ABR: variants seen among roughly 807,000 people sequenced by gnomAD.
The protein encoded by ABR is active breakpoint cluster region-related protein.
A neutral mutation model predicts 107.2 loss-of-function variants in ABR; 35 were observed. That is an observed-to-expected ratio of 0.33 (90% CI 0.25 to 0.43). The LOEUF is 0.43. Ranked by LOEUF, ABR falls within the 20% of genes least tolerant of loss-of-function variation. ABR has a pLI of 1.00. For synonymous variants in ABR, 498 were observed against 462.0 expected (o/e 1.08, Z -1.00); for missense variants, 815 against 1,115.2 (o/e 0.73, Z 3.83).
intron 1 of ABR, among the ~76,000 whole-genome samples, chr17:1,204,580 G>A (rs772432723): frequency 2.0e-5 from 3 of 152,142 alleles, no homozygotes; most frequent in Non-Finnish European, 2.9e-5. Flanking sequence ...CCTTTTGTAC[G>A]CTTAGACGTG....
chr17:1,033,714 G>C (rs2072972984), intron 16 of ABR, among the ~76,000 whole-genome samples: 1 of 152,144 alleles, frequency 6.6e-6, no homozygotes, highest in Non-Finnish European at 1.5e-5. Flanking sequence ...CCTCAAACCT[G>C]AGCTGCTAAG....
chr17:1,023,679 T>C (rs2071912272), intron 16 of ABR, among the ~76,000 whole-genome samples: 1 of 152,202 alleles, frequency 6.6e-6, no homozygotes, highest in Non-Finnish European at 1.5e-5. Flanking sequence ...GCCAAGGACC[T>C]GTCAGACCTC....
Position 1,050,761 on chromosome 17 carries a change from C to A in ABR, c.1562-127G>T. 1 of 755,760 alleles carries A rather than the reference C, an allele frequency of 1.3e-6. No individual in the cohort carries two copies. 46.8% of individuals were successfully genotyped at this position (755,760 alleles called of 1,614,324 possible). A position where few individuals can be genotyped will look rare whatever the true frequency, so the allele number is the denominator to read the frequency against. On this transcript the variant is annotated intron_variant, in intron 14 of 22. Coordinates refer to ENST00000302538, the MANE Select transcript of ABR (RefSeq NM_021962.5). This position sits in a 1 kb window ranked among gnomAD's most constrained non-coding sequence, Gnocchi z 4.6. ...AACGTCCCCACGGATGGCATCTTGG[C>A]TCTCTCCTCCCTGAAGCCCGGGACC... is the stretch of plus-strand genomic sequence containing the variant.
At chr17:1,083,485 T>C (rs1175767393) in intron 5 of ABR, 35 bp downstream of exon 5, 1 of 1,514,550 alleles carries the variant, frequency 6.6e-7, no homozygotes, top group African/African-American at 1.4e-5. Flanking sequence ...CAAAGCTCCT[T>C]GTCCCTCAGG....
chr17:1,184,436 A>C (rs2042229841), upstream of ABR, among the ~76,000 whole-genome samples: 1 of 152,040 alleles, frequency 6.6e-6, no homozygotes, highest in African/African-American at 2.4e-5. Flanking sequence ...GCCTGGGGAC[A>C]GAGCAAGACT....
At chr17:1,228,501 G>C (rs2043264601) in intron 1 of ABR, among the ~76,000 whole-genome samples, 1 of 152,192 alleles carries the variant, frequency 6.6e-6, no homozygotes. Flanking sequence ...GGGAGGGGCT[G>C]GGGGATGTCA....
At chr17:1,161,149 C>T (rs1324020545) in intron 1 of ABR, among the ~76,000 whole-genome samples, 4 of 151,272 alleles carry the variant, frequency 2.6e-5, no homozygotes, top group Non-Finnish European at 5.9e-5. Flanking sequence ...CCCCGTCACC[C>T]ACAAGTCCAG....
intron 10 of ABR, among the ~76,000 whole-genome samples, chr17:1,060,932 C>T (rs991138730): frequency 9.2e-5 from 14 of 152,074 alleles, no homozygotes; most frequent in African/African-American, 3.1e-4. Flanking sequence ...GTGGAGGTTG[C>T]AGTGAGCCGA....
At position 1,179,552 on chromosome 17, in the gene ABR, G is replaced by A. The variant is rs979221821; in HGVS notation, c.61+115C>T. Reference sequence around the variant, plus strand: ...CCGCCCGCGCTCCCCGGACCAGCCCGGTGCCTGGGTCCCGATCCCGATCTT... The same window carrying A: ...CCGCCCGCGCTCCCCGGACCAGCCCAGTGCCTGGGTCCCGATCCCGATCTT... On this transcript the variant is annotated intron_variant, in intron 1 of 22. Transcript: ENST00000302538. The surrounding 1 kb of genome is among the most constrained non-coding windows in gnomAD (Gnocchi z 4.9). 6.2e-6 allele frequency: 7 copies of A among 1,135,150 alleles called. No homozygotes were observed. Among genetic ancestry groups the A allele is most frequent in the African/African-American group, 3.3e-5 (2 of 61,060 alleles). The allele number at this position is 1,135,150 out of a possible 1,614,324, so 70.3% of individuals were successfully genotyped here.
chr17:1,212,909 A>C (rs1296014927), intron 1 of ABR, among the ~76,000 whole-genome samples: 1 of 151,592 alleles, frequency 6.6e-6, no homozygotes, highest in Admixed American at 6.6e-5. Flanking sequence ...AGAGAGAGAG[A>C]GATAAAGAGA....
chr17:1,091,943 G>C, intron 3 of ABR, 93 bp from the exon 4 acceptor site: 1 of 1,320,090 alleles, frequency 7.6e-7, no homozygotes, highest in Non-Finnish European at 1.1e-6. Context: ...CCTTCCCGCT[G>C]CCCAAGTCCT....
At chr17:1,134,238 C>A (rs997950210) in intron 1 of ABR, among the ~76,000 whole-genome samples, 15 of 152,142 alleles carry the variant, frequency 9.9e-5, no homozygotes, top group Admixed American at 9.2e-4. Context: ...CATGATGAAA[C>A]CCCGTCTGTA....
chr17:1,022,106 C>CAAAAAAAAAAAAAAAAAAAA (rs759234729), intron 16 of ABR, among the ~76,000 whole-genome samples: 3 of 39,222 alleles, frequency 7.6e-5, no homozygotes, highest in East Asian at 7.4e-4. Flanking sequence ...GACTCTGTCT[C>CAAAAAAAAAAAAAAAAAAAA]AAAAAAAAAA....
At chr17:1,061,034 C>T (rs574648362) in intron 10 of ABR, among the ~76,000 whole-genome samples, 1 of 152,298 alleles carries the variant, frequency 6.6e-6, no homozygotes, top group East Asian at 1.9e-4. Context: ...ATCACTGCTT[C>T]TTCTGTGACT....
intron 1 of ABR, among the ~76,000 whole-genome samples, chr17:1,152,511 A>G (rs1416962331): frequency 1.4e-5 from 2 of 146,096 alleles, no homozygotes; most frequent in African/African-American, 5.1e-5. Flanking sequence ...GAATCACTTG[A>G]GTCCAGGAGG....
intron 1 of ABR, among the ~76,000 whole-genome samples, chr17:1,163,531 G>A (rs944263260): frequency 5.5e-5 from 8 of 145,020 alleles, no homozygotes; most frequent in African/African-American, 1.8e-4. Flanking sequence ...CATGGATGTC[G>A]GAGCATCCAG....
intron 10 of ABR, among the ~76,000 whole-genome samples, chr17:1,063,946 G>C (rs1240242337): frequency 6.7e-6 from 1 of 149,464 alleles, no homozygotes; most frequent in Non-Finnish European, 1.5e-5. Context: ...AGACACTGTT[G>C]TTATGTGAAC....
chr17:1,010,479 A>G lies in ABR; in HGVS notation c.2236+250T>C, dbSNP rs2070437753. On this transcript the variant is annotated intron_variant, in intron 20 of 22. Coordinates refer to ENST00000302538, the MANE Select transcript of ABR (RefSeq NM_021962.5). The surrounding 1 kb of genome is among the most constrained non-coding windows in gnomAD (Gnocchi z 4.1). ...CTTCCAAGCAAGAGGCCAACGTCCA[A>G]ATAGGAAGCAGAAGGGGCTGCCCAT... is the stretch of plus-strand genomic sequence containing the variant. 5.7e-6 allele frequency: 3 copies of G among 526,370 alleles called. No homozygotes were observed. Among genetic ancestry groups the G allele is most frequent in the Middle Eastern group, 5.0e-4 (1 of 1,982 alleles). The allele number at this position is 526,370 out of a possible 1,614,324, so 32.6% of individuals were successfully genotyped here. A position where few individuals can be genotyped will look rare whatever the true frequency, so the allele number is the denominator to read the frequency against.
chr17:1,120,929 T>C (rs2039316787), intron 2 of ABR, among the ~76,000 whole-genome samples: 1 of 152,206 alleles, frequency 6.6e-6, no homozygotes, highest in African/African-American at 2.4e-5. Context: ...GAGGAGTCTG[T>C]GGCCTGTGGG....
Sources: gnomAD v4.1 joint callset for allele counts (sites outside exome capture counted in the v4.1 genomes callset) on GRCh38, gnomAD v4.1.1 for gene constraint, Gnocchi (gnomAD v3.1) non-coding constraint, MANE v1.5 for transcripts, NCBI Gene and HGNC (gene_info 2026-07-23, HGNC 2026-07-21) for gene names.